Variants in DSCAM observed in about 807,000 individuals in gnomAD.
DSCAM encodes DS cell adhesion molecule, also known as cell adhesion molecule DSCAM.
A neutral mutation model predicts 217.7 loss-of-function variants in DSCAM; 47 were observed. That is an observed-to-expected ratio of 0.22 (90% CI 0.17 to 0.28). DSCAM has a LOEUF of 0.28. Among genes scored for constraint, DSCAM ranks in the 10% least tolerant of loss-of-function variants. DSCAM has a pLI of 1.00. For synonymous variants in DSCAM, 1,056 were observed against 1,015.3 expected (o/e 1.04, Z -0.76); for missense variants, 2,080 against 2,618.3 (o/e 0.79, Z 4.49).
intron 3 of DSCAM, among the ~76,000 whole-genome samples, chr21:40,409,675 C>A (rs1000719443): frequency 6.6e-6 from 1 of 152,186 alleles, no homozygotes; most frequent in Non-Finnish European, 1.5e-5. Flanking sequence ...TGTATCCCTG[C>A]AAGTCAGTGA....
chr21:40,483,184 G>A (rs1244447576), intron 3 of DSCAM, among the ~76,000 whole-genome samples: 1 of 152,196 alleles, frequency 6.6e-6, no homozygotes, highest in East Asian at 1.9e-4. Context: ...TGCATCTGCA[G>A]AAAAGCACAA....
intron 11 of DSCAM, among the ~76,000 whole-genome samples, chr21:40,225,572 C>T (rs894532523): frequency 3.9e-5 from 6 of 152,116 alleles, no homozygotes; most frequent in Non-Finnish European, 7.4e-5. Flanking sequence ...CTCAACAGTG[C>T]CCTCCTGGAT....
chr21:40,087,165 G>A lies in DSCAM; in HGVS notation c.3968+5C>T. The A allele has an allele frequency of 6.2e-7, 1 of 1,601,190 alleles. No homozygotes were observed. Among genetic ancestry groups the A allele is most frequent in the Non-Finnish European group, 8.6e-7 (1 of 1,168,150 alleles). Reference sequence around the variant, plus strand: ...ACTGAAGGCATACATTGGGTTACTGGTTACCTGTCTTTCATCCATTTGACT... The same window carrying A: ...ACTGAAGGCATACATTGGGTTACTGATTACCTGTCTTTCATCCATTTGACT... On this transcript the variant is annotated splice_donor_5th_base_variant and intron_variant, in intron 22 of 32. Transcript: ENST00000400454.
At chr21:40,823,383 A>G (rs994274938) in intron 1 of DSCAM, among the ~76,000 whole-genome samples, 5 of 152,200 alleles carry the variant, frequency 3.3e-5, no homozygotes, top group African/African-American at 1.2e-4. Context: ...GGTCAAAGTT[A>G]CACTAAGTTG....
chr21:40,336,535 C>T (rs184178986), intron 8 of DSCAM, among the ~76,000 whole-genome samples: 153 of 152,250 alleles, frequency 1.0e-3, no homozygotes, highest in African/African-American at 3.2e-3. Context: ...CCAATCATTT[C>T]CAAATGATCA....
chr21:40,612,050 G>A (rs1234117499), intron 3 of DSCAM, among the ~76,000 whole-genome samples: 1 of 152,190 alleles, frequency 6.6e-6, no homozygotes, highest in Non-Finnish European at 1.5e-5. Flanking sequence ...TGTGAGATGA[G>A]TCTGGTCAGC....
intron 20 of DSCAM, among the ~76,000 whole-genome samples, chr21:40,116,558 C>T (rs1036284312): frequency 2.6e-5 from 4 of 152,044 alleles, no homozygotes; most frequent in Non-Finnish European, 5.9e-5. Context: ...ACATAGAGAG[C>T]CTAGCATCTG....
chr21:40,378,655 G>T (rs1010234847), intron 3 of DSCAM, among the ~76,000 whole-genome samples: 1 of 122,344 alleles, frequency 8.2e-6, no homozygotes, highest in South Asian at 2.8e-4. Context: ...GCAGTGGCGC[G>T]ATCTCGGCTC....
At chr21:40,467,477 G>A (rs2075854525) in intron 3 of DSCAM, among the ~76,000 whole-genome samples, 1 of 152,134 alleles carries the variant, frequency 6.6e-6, no homozygotes, top group Admixed American at 6.5e-5. Flanking sequence ...GGAATATGTA[G>A]CTTTCTAAAA....
chr21:40,841,075 C>G (rs2092097308), intron 1 of DSCAM, among the ~76,000 whole-genome samples: 1 of 152,166 alleles, frequency 6.6e-6, no homozygotes, highest in African/African-American at 2.4e-5. Flanking sequence ...CACCTAAATG[C>G]AGGCGTAACG....
At chr21:40,677,466 G>T (rs1167344472) in intron 3 of DSCAM, among the ~76,000 whole-genome samples, 1 of 152,140 alleles carries the variant, frequency 6.6e-6, no homozygotes, top group African/African-American at 2.4e-5. Context: ...CTGGACTGTT[G>T]CAGCTTTCGA....
At chr21:40,688,837 CT>C (rs1378042216) in intron 3 of DSCAM, among the ~76,000 whole-genome samples, 1 of 152,222 alleles carries the variant, frequency 6.6e-6, no homozygotes, top group Non-Finnish European at 1.5e-5. Flanking sequence ...GGGATTTCTA[CT>C]TTTCAGCTGT....
At position 40,144,482 on chromosome 21, in the gene DSCAM, C is replaced by G. The variant is rs377174052; in HGVS notation, c.3259+9G>C. The G allele has an allele frequency of 1.1e-5, 17 of 1,613,314 alleles. No individual in the cohort carries two copies. In the Middle Eastern group the frequency reaches 9.9e-4, roughly 94 times the overall value. ...GGAAAAGCCACGACCAGGCCCCGGC[C>G]GAACCTACCATCCTCGAGAGTGGTG... On this transcript the variant is annotated intron_variant, in intron 17 of 32. Coordinates refer to ENST00000400454, the MANE Select transcript of DSCAM (RefSeq NM_001389.5). The surrounding 1 kb of genome is among the most constrained non-coding windows in gnomAD (Gnocchi z 4.8).
chr21:40,501,008 A>C (rs949230487), intron 3 of DSCAM, among the ~76,000 whole-genome samples: 2 of 152,256 alleles, frequency 1.3e-5, no homozygotes, highest in Non-Finnish European at 2.9e-5. Flanking sequence ...ATTTCATTGC[A>C]GAGATACTCC....
intron 18 of DSCAM, among the ~76,000 whole-genome samples, chr21:40,135,907 C>T (rs1416788878): frequency 6.6e-6 from 1 of 152,200 alleles, no homozygotes; most frequent in Non-Finnish European, 1.5e-5. Flanking sequence ...AGCCCCTGTG[C>T]CTTCTAGGAG....
At chr21:40,589,112 G>T (rs977349715) in intron 3 of DSCAM, among the ~76,000 whole-genome samples, 1 of 146,002 alleles carries the variant, frequency 6.8e-6, no homozygotes, top group Admixed American at 7.0e-5. Context: ...TATTCACAAC[G>T]AAATTGCAAT....
intron 18 of DSCAM, among the ~76,000 whole-genome samples, chr21:40,137,044 G>T (rs935424312): frequency 6.6e-6 from 1 of 151,746 alleles, no homozygotes; most frequent in Non-Finnish European, 1.5e-5. Context: ...CGTGGTGGTG[G>T]GCACCTGTAG....
intron 3 of DSCAM, among the ~76,000 whole-genome samples, chr21:40,620,191 AAAAG>A (rs1214771983): frequency 0.024 from 3,167 of 130,990 alleles, 303 homozygotes; most frequent in Non-Finnish European, 0.038. Context: ...AGAAAAAAGA[AAAAG>A]AAAGAAAGAG....
intron 2 of DSCAM, among the ~76,000 whole-genome samples, chr21:40,695,954 C>T (rs1240169460): frequency 6.6e-6 from 1 of 152,048 alleles, no homozygotes; most frequent in African/African-American, 2.4e-5. Flanking sequence ...TCTCAGAGGG[C>T]CATGTGAGTT....
Sources: gnomAD v4.1 joint callset for allele counts (sites outside exome capture counted in the v4.1 genomes callset) on GRCh38, gnomAD v4.1.1 for gene constraint, Gnocchi (gnomAD v3.1) non-coding constraint, MANE v1.5 for transcripts, NCBI Gene and HGNC (gene_info 2026-07-23, HGNC 2026-07-21) for gene names.